The following CSMD1 variants were observed in gnomAD, a reference collection of about 807,000 sequenced individuals.
CSMD1 encodes the protein CUB and Sushi multiple domains 1.
Under a neutral mutation model 417.5 loss-of-function variants are expected in CSMD1, and 213 were observed. The ratio of observed to expected loss-of-function variants is 0.51; its 90% confidence interval spans 0.46 to 0.57. CSMD1 has a LOEUF of 0.57. CSMD1 is among the 20% of genes least tolerant of loss of function. The pLI is 0.00. For synonymous variants in CSMD1, 2,862 were observed against 1,736.8 expected, an observed-to-expected ratio of 1.65 and a Z score of -16.11; for missense variants, 6,923 against 4,529.7, an observed-to-expected ratio of 1.53 and a Z score of -15.17.
intron 6 of CSMD1, among the ~76,000 whole-genome samples, chr8:3,747,978 G>C (rs971706104): frequency 1.3e-5 from 2 of 152,040 alleles, no homozygotes; most frequent in African/African-American, 4.8e-5. Context: ...GTCCACCATG[G>C]TTCTCCAAGG....
intron 50 of CSMD1, chr8:3,043,885 T>TA (rs1191824002): frequency 1.3e-5 from 2 of 152,374 alleles, no homozygotes; most frequent in African/African-American, 4.8e-5. Context: ...TCTCAAGTGA[T>TA]ATAGAGCTGT....
At chr8:4,136,083 C>G (rs1046752033) in intron 3 of CSMD1, among the ~76,000 whole-genome samples, 1 of 152,104 alleles carries the variant, frequency 6.6e-6, no homozygotes, top group Non-Finnish European at 1.5e-5. Context: ...AATGAACTGA[C>G]TCAGCAAAAG....
intron 1 of CSMD1, among the ~76,000 whole-genome samples, chr8:4,686,621 C>T (rs1806403802): frequency 6.6e-6 from 1 of 152,234 alleles, no homozygotes; most frequent in Non-Finnish European, 1.5e-5. Flanking sequence ...CTGGCTACCT[C>T]TTCATCAAAG....
intron 3 of CSMD1, among the ~76,000 whole-genome samples, chr8:4,054,743 G>A (rs1173302131): frequency 6.6e-6 from 1 of 152,108 alleles, no homozygotes; most frequent in Non-Finnish European, 1.5e-5. Flanking sequence ...ATTTTGTGAT[G>A]TGTCATTCTC....
intron 1 of CSMD1, among the ~76,000 whole-genome samples, chr8:4,844,743 C>G (rs184573617): frequency 6.6e-6 from 1 of 152,260 alleles, no homozygotes; most frequent in African/African-American, 2.4e-5. Flanking sequence ...TATTTCAAAA[C>G]CATCTCAGTG....
In CSMD1 at chr8:4,266,353, C is replaced by T. The variant is rs754992240; in HGVS notation, c.415+153600G>A. On this transcript the variant is annotated intron_variant, in intron 3 of 69. Coordinates refer to ENST00000635120, the MANE Select transcript of CSMD1 (RefSeq NM_033225.6). ...TGATTTTGGAGAAAAACAAACACAA[C>T]TTTTTAATATTTTCAAGAATATATT... 1.0e-3 allele frequency among the ~76,000 whole-genome samples: 105 copies of T among 104,894 alleles called. 40 individuals carry two copies. The highest frequency in any genetic ancestry group is 2.4e-3 in the Non-Finnish European group (94 of 39,028). 68.8% of individuals were successfully genotyped at this position (104,894 alleles called of 152,430 possible).
intron 1 of CSMD1, among the ~76,000 whole-genome samples, chr8:4,964,499 C>T (rs1193703931): frequency 4.9e-5 from 1 of 20,440 alleles, no homozygotes; most frequent in African/African-American, 4.3e-4. Context: ...AAGACCCTGT[C>T]TCCAAAAAAA....
At chr8:2,964,820 G>C (rs966147358) in intron 59 of CSMD1, among the ~76,000 whole-genome samples, 5 of 151,934 alleles carry the variant, frequency 3.3e-5, no homozygotes, top group African/African-American at 9.7e-5. Context: ...TCAGAAGAGA[G>C]AGAAAGCCAT....
chr8:4,467,656 G>A (rs1800265091), intron 2 of CSMD1, among the ~76,000 whole-genome samples: 1 of 151,856 alleles, frequency 6.6e-6, no homozygotes, highest in Non-Finnish European at 1.5e-5. Flanking sequence ...TACCTTTCTT[G>A]TCCACATGAA....
chr8:2,969,430 C>G (rs1804244284), intron 57 of CSMD1, among the ~76,000 whole-genome samples: 1 of 152,056 alleles, frequency 6.6e-6, no homozygotes, highest in African/African-American at 2.4e-5. Flanking sequence ...GACTAGATGG[C>G]TAACAAAAGC....
chr8:3,126,692 C>T (rs933717170), intron 41 of CSMD1, among the ~76,000 whole-genome samples: 2 of 152,168 alleles, frequency 1.3e-5, no homozygotes, highest in African/African-American at 4.8e-5. Context: ...GTTCTCAACT[C>T]TAAGACATAT....
At chr8:3,897,962 A>G (rs1807476421) in intron 5 of CSMD1, among the ~76,000 whole-genome samples, 1 of 152,226 alleles carries the variant, frequency 6.6e-6, no homozygotes, top group African/African-American at 2.4e-5. Context: ...TGAAGACACA[A>G]AATCAAAATC....
intron 3 of CSMD1, among the ~76,000 whole-genome samples, chr8:4,382,350 C>T (rs1470751065): frequency 6.6e-6 from 1 of 152,122 alleles, no homozygotes; most frequent in Non-Finnish European, 1.5e-5. Flanking sequence ...CATGACTGGT[C>T]GACCAATGAC....
At chr8:3,587,610 G>A (rs751909983) in intron 8 of CSMD1, among the ~76,000 whole-genome samples, 5 of 152,008 alleles carry the variant, frequency 3.3e-5, no homozygotes, top group African/African-American at 9.7e-5. Context: ...CATCCCCCAC[G>A]GCATCTATGT....
intron 2 of CSMD1, among the ~76,000 whole-genome samples, chr8:4,510,733 CTCTCTT>C (rs1802779790): frequency 6.9e-6 from 1 of 143,988 alleles, no homozygotes; most frequent in Non-Finnish European, 1.5e-5. Flanking sequence ...TCCTTGCCTC[CTCTCTT>C]CCTTCCCTCT....
At chr8:3,608,377 G>C (rs572901114) in intron 8 of CSMD1, among the ~76,000 whole-genome samples, 2 of 152,186 alleles carry the variant, frequency 1.3e-5, no homozygotes, top group East Asian at 3.9e-4. Flanking sequence ...CAGTTGAGAA[G>C]CTCAAGTTTC....
chr8:3,287,090 C>A (rs902378642), intron 25 of CSMD1, among the ~76,000 whole-genome samples: 6 of 151,944 alleles, frequency 3.9e-5, no homozygotes, highest in Admixed American at 3.3e-4. Context: ...AATGCTTTCC[C>A]CATTGCTTGT....
chr8:3,510,300 C>G (rs1034871864), intron 10 of CSMD1, among the ~76,000 whole-genome samples: 1 of 151,838 alleles, frequency 6.6e-6, no homozygotes, highest in Admixed American at 6.5e-5. Flanking sequence ...TGGCCTGCCT[C>G]TGTCTTCCCA....
At chr8:4,196,776 T>A (rs1799364335) in intron 3 of CSMD1, among the ~76,000 whole-genome samples, 1 of 152,144 alleles carries the variant, frequency 6.6e-6, no homozygotes. Context: ...AACCCCTTTT[T>A]CCCATAAAGC....
Sources: gnomAD v4.1 joint callset for allele counts (sites outside exome capture counted in the v4.1 genomes callset) on GRCh38, gnomAD v4.1.1 for gene constraint, MANE v1.5 for transcripts, NCBI Gene and HGNC (gene_info 2026-07-23, HGNC 2026-07-21) for gene names.